The following SLC17A1 variants were observed in gnomAD, a reference collection of about 807,000 sequenced individuals.
The protein encoded by SLC17A1 is sodium-dependent phosphate transport protein 1.
A neutral mutation model predicts 53.5 loss-of-function variants in SLC17A1; 51 were observed. The observed-to-expected ratio is 0.95, with a 90% CI of 0.76 to 1.20. The LOEUF is 1.20. SLC17A1 is among the 50% of genes most tolerant of loss of function. The pLI is 0.00. For synonymous variants in SLC17A1, 179 were observed against 198.8 expected (o/e 0.90, Z 0.84); for missense variants, 538 against 568.2 (o/e 0.95, Z 0.54).
intron 10 of SLC17A1, among the ~76,000 whole-genome samples, chr6:25,803,574 A>G (rs1029219843): frequency 1.3e-5 from 2 of 152,170 alleles, no homozygotes; most frequent in Non-Finnish European, 2.9e-5. Context: ...CTTGAAAATA[A>G]CATCTTGAAA....
the SLC17A1 span, chr6:25,770,777 C>A: frequency 1.5e-6 from 1 of 686,262 alleles, no homozygotes; most frequent in Non-Finnish European, 2.6e-6. Context: ...ATAACTTCTC[C>A]AAGATCACAT....
the SLC17A1 span, chr6:25,726,103 G>T: frequency 3.7e-5 from 56 of 1,497,642 alleles, no homozygotes; most frequent in African/African-American, 5.6e-5. Context: ...TTCTGACACA[G>T]AAGTCTTTTT....
chr6:25,742,634 A>G, the SLC17A1 span, among the ~76,000 whole-genome samples: 2 of 151,826 alleles, frequency 1.3e-5, no homozygotes, highest in East Asian at 3.9e-4. Flanking sequence ...GTACAATGGT[A>G]TAATATGTAT....
chr6:25,726,531 C>T, the SLC17A1 span: 2 of 1,603,176 alleles, frequency 1.2e-6, no homozygotes, highest in Non-Finnish European at 1.7e-6. Flanking sequence ...CAGACATCTC[C>T]TCGCATCAAA....
At chr6:25,766,435 G>A in the SLC17A1 span, among the ~76,000 whole-genome samples, 2 of 152,162 alleles carry the variant, frequency 1.3e-5, no homozygotes, top group Non-Finnish European at 2.9e-5. Context: ...TTAGCTCCTT[G>A]CTCCTTAAGT....
the SLC17A1 span, chr6:25,769,169 T>G: frequency 5.0e-6 from 8 of 1,613,888 alleles, no homozygotes; most frequent in Non-Finnish European, 6.8e-6. Flanking sequence ...GGAATGAAAC[T>G]CTAAAAGAAT....
intron 1 of SLC17A1, among the ~76,000 whole-genome samples, chr6:25,831,358 G>A (rs1313852447): frequency 6.6e-6 from 1 of 152,136 alleles, no homozygotes; most frequent in Non-Finnish European, 1.5e-5. Context: ...CCAAAGTCCT[G>A]AGATTGGATT....
the SLC17A1 span, chr6:25,761,812 C>A: frequency 4.9e-6 from 3 of 608,624 alleles, no homozygotes; most frequent in African/African-American, 3.8e-5. Flanking sequence ...TTTTCATAAA[C>A]CCTAATCTAC....
rs1764146587 is a variant in SLC17A1 at position 25,811,311 on chromosome 6, A to G, written c.1178+87T>C. The G allele has an allele frequency of 2.2e-6, 3 of 1,376,998 alleles. No homozygotes were observed. In the East Asian group the frequency reaches 6.9e-5, roughly 32 times the overall value. The allele number at this position is 1,376,998 out of a possible 1,614,324, so 85.3% of individuals were successfully genotyped here. A position where few individuals can be genotyped will look rare whatever the true frequency, so the allele number is the denominator to read the frequency against. ...ATTTTAGCCATTCCACAAAGTATCC[A>G]TATTTTAAATCATCATGTTGTGCAC... On this transcript the variant is annotated intron_variant, in intron 10 of 12. Coordinates refer to ENST00000244527, the MANE Select transcript of SLC17A1 (RefSeq NM_005074.5).
intron 10 of SLC17A1, among the ~76,000 whole-genome samples, chr6:25,808,200 C>T (rs189765012): frequency 1.3e-3 from 196 of 152,106 alleles, no homozygotes; most frequent in Non-Finnish European, 2.2e-3. Context: ...TTATGATATG[C>T]GTTTCCCTGA....
chr6:25,743,844 A>G, the SLC17A1 span, among the ~76,000 whole-genome samples: 1 of 152,244 alleles, frequency 6.6e-6, no homozygotes, highest in African/African-American at 2.4e-5. Context: ...TAAATGTGAA[A>G]GAAAGCTGTG....
Position 25,813,215 on chromosome 6 carries a change from T to G in SLC17A1, c.617-2A>C, listed in dbSNP as rs1156848384. On this transcript the variant is annotated splice_acceptor_variant, in intron 6 of 12. Transcript: ENST00000244527. LOFTEE classifies it high-confidence loss of function. ...GACATACGGCACAGCCACAAGCACC[T>G]ATCAAAGCAGGGTAAGTTAGAATTG... The G allele has an allele frequency of 3.1e-6, 5 of 1,612,126 alleles. No homozygotes were observed. Among genetic ancestry groups the G allele is most frequent in the Non-Finnish European group, 4.2e-6 (5 of 1,178,252 alleles).
At chr6:25,816,318 T>C (rs1196569522) in intron 6 of SLC17A1, among the ~76,000 whole-genome samples, 1 of 152,260 alleles carries the variant, frequency 6.6e-6, no homozygotes, top group Non-Finnish European at 1.5e-5. Context: ...TCATATCTTA[T>C]GCAAATAGTG....
intron 12 of SLC17A1, among the ~76,000 whole-genome samples, chr6:25,790,276 C>G (rs759744259): frequency 6.6e-6 from 1 of 152,068 alleles, no homozygotes; most frequent in African/African-American, 2.4e-5. Flanking sequence ...GTCTGGAAGA[C>G]GGTGGAGAAG....
the SLC17A1 span, chr6:25,726,979 A>C: frequency 6.2e-7 from 1 of 1,614,232 alleles, no homozygotes; most frequent in South Asian, 1.1e-5. Flanking sequence ...GTTAAGACCC[A>C]GAAAAAGGAA....
At chr6:25,755,126 T>A in the SLC17A1 span, among the ~76,000 whole-genome samples, 1 of 151,362 alleles carries the variant, frequency 6.6e-6, no homozygotes. Flanking sequence ...CTAAATGATA[T>A]ATTTGGATTG....
At chr6:25,766,182 TTA>T in the SLC17A1 span, among the ~76,000 whole-genome samples, 44,711 of 150,398 alleles carry the variant, frequency 0.3, 7,596 homozygotes, top group East Asian at 0.74. Flanking sequence ...TTATACATTT[TTA>T]TGTTTCTAAT....
At chr6:25,763,322 T>C in the SLC17A1 span, among the ~76,000 whole-genome samples, 3 of 152,278 alleles carry the variant, frequency 2.0e-5, no homozygotes, top group Admixed American at 1.3e-4. Context: ...GTTTTGGTAG[T>C]CTCATCCTAC....
At chr6:25,797,375 G>A (rs1179180660) in intron 12 of SLC17A1, among the ~76,000 whole-genome samples, 2 of 152,060 alleles carry the variant, frequency 1.3e-5, no homozygotes, top group South Asian at 4.1e-4. Flanking sequence ...GTAATCACTA[G>A]CCTGGACATG....
Sources: gnomAD v4.1 joint callset for allele counts (sites outside exome capture counted in the v4.1 genomes callset) on GRCh38, gnomAD v4.1.1 for gene constraint, MANE v1.5 for transcripts, NCBI Gene and HGNC (gene_info 2026-07-23, HGNC 2026-07-21) for gene names.